Variants in WDR25 observed in about 807,000 individuals in gnomAD.
The protein encoded by WDR25 is WD repeat-containing protein 25.
In WDR25, 35 loss-of-function variants were observed where a neutral mutation model predicts 47.7. The observed-to-expected ratio is 0.73, with a 90% confidence interval of 0.56 to 0.97. WDR25 has a LOEUF of 0.97. WDR25 is among the 50% of genes least tolerant of loss of function. The pLI is 0.00. For missense variants in WDR25, 634 were observed against 704.7 expected (o/e 0.90, Z 1.14); for synonymous variants, 248 against 278.9 (o/e 0.89, Z 1.10).
At chr14:100,418,182 C>T (rs747005021) in intron 2 of WDR25, among the ~76,000 whole-genome samples, 2 of 149,250 alleles carry the variant, frequency 1.3e-5, no homozygotes, top group Admixed American at 6.6e-5. Flanking sequence ...CCTCGTGATC[C>T]ACACCCCCCA....
Position 100,449,028 on chromosome 14 carries a change from A to G in WDR25, c.823-18993A>G, listed in dbSNP as rs1257058138. On this transcript the variant is annotated intron_variant, in intron 2 of 6. Coordinates refer to ENST00000402312, the MANE Select transcript of WDR25 (RefSeq NM_001161476.3). The surrounding 1 kb of genome is among the most constrained non-coding windows in gnomAD (Gnocchi z 4.2). Reference sequence around the variant, plus strand: ...AAAGTGGCGTGCAAGGACGATCGTGATGGGAGATGAGGCTGGGCAGGTGAG... The same window carrying G: ...AAAGTGGCGTGCAAGGACGATCGTGGTGGGAGATGAGGCTGGGCAGGTGAG... 6.6e-6 allele frequency among the ~76,000 whole-genome samples: 1 copy of G among 152,070 alleles called. No individual in the cohort carries two copies. Among genetic ancestry groups the G allele is most frequent in the Non-Finnish European group, 1.5e-5 (1 of 68,004 alleles).
In WDR25 at chr14:100,502,700, A is replaced by G. The variant is rs1428241136; in HGVS notation, c.1101+18576A>G. Among the ~76,000 whole-genome samples, 1 of 152,194 alleles carries G rather than the reference A, an allele frequency of 6.6e-6. No individual in the cohort carries two copies. The highest frequency in any genetic ancestry group is 6.5e-5 in the Admixed American group (1 of 15,282). On this transcript the variant is annotated intron_variant, in intron 4 of 6. Transcript: ENST00000402312. The surrounding 1 kb of genome is among the most constrained non-coding windows in gnomAD (Gnocchi z 4.5). Reference sequence around the variant, plus strand: ...GGGGAGGAGTCAGTCTCCACAGAGTACATCGTGATGGGAACTGCTTGGGGG... The same window carrying G: ...GGGGAGGAGTCAGTCTCCACAGAGTGCATCGTGATGGGAACTGCTTGGGGG...
At chr14:100,409,846 G>A (rs1485469634) in intron 2 of WDR25, among the ~76,000 whole-genome samples, 1 of 152,190 alleles carries the variant, frequency 6.6e-6, no homozygotes, top group Non-Finnish European at 1.5e-5. Context: ...TGCCTCTCGC[G>A]TGTATTGTCT....
At chr14:100,415,353 T>C (rs1897840007) in intron 2 of WDR25, among the ~76,000 whole-genome samples, 2 of 152,266 alleles carry the variant, frequency 1.3e-5, no homozygotes, top group Middle Eastern at 3.4e-3. Flanking sequence ...TAAAGTCATA[T>C]GTGTATGGGA....
At chr14:100,393,105 G>A (rs1325404190) in intron 2 of WDR25, among the ~76,000 whole-genome samples, 1 of 152,224 alleles carries the variant, frequency 6.6e-6, no homozygotes, top group Non-Finnish European at 1.5e-5. Flanking sequence ...TAATTATTTA[G>A]ACTAACACCA....
intron 1 of WDR25, among the ~76,000 whole-genome samples, chr14:100,379,064 A>G (rs979780748): frequency 3.3e-5 from 5 of 150,044 alleles, no homozygotes; most frequent in Non-Finnish European, 2.9e-5. Flanking sequence ...GGAAAGTGGC[A>G]GGCCTTTCCC....
chr14:100,484,400 T>C (rs187662094), intron 4 of WDR25, among the ~76,000 whole-genome samples: 9 of 152,300 alleles, frequency 5.9e-5, no homozygotes, highest in Admixed American at 2.6e-4. Context: ...TGATATAAAA[T>C]GAATCTGCTG....
chr14:100,383,367 G>T (rs894923328), intron 2 of WDR25, among the ~76,000 whole-genome samples: 8 of 152,236 alleles, frequency 5.3e-5, no homozygotes, highest in Admixed American at 4.6e-4. Flanking sequence ...GGGCTTCTCT[G>T]CTCTCCTTCC....
At chr14:100,435,850 T>G (rs924476518) in intron 2 of WDR25, among the ~76,000 whole-genome samples, 3 of 151,864 alleles carry the variant, frequency 2.0e-5, no homozygotes, top group South Asian at 2.1e-4. Context: ...GGCTTGTAAG[T>G]GAGGTTTGGG....
intron 5 of WDR25, among the ~76,000 whole-genome samples, chr14:100,528,287 G>A (rs1017352269): frequency 2.0e-5 from 3 of 152,124 alleles, no homozygotes; most frequent in East Asian, 1.9e-4. Flanking sequence ...GAGTGTCAAG[G>A]GGAGAATCCT....
intron 2 of WDR25, among the ~76,000 whole-genome samples, chr14:100,458,888 C>A (rs1595109117): frequency 1.3e-5 from 2 of 152,232 alleles, no homozygotes; most frequent in South Asian, 4.2e-4. Flanking sequence ...TGCAGTGTTA[C>A]TAGAAGAGTT....
intron 2 of WDR25, among the ~76,000 whole-genome samples, chr14:100,463,686 A>T (rs1202691308): frequency 1.3e-5 from 2 of 152,130 alleles, no homozygotes; most frequent in Middle Eastern, 6.3e-3. Context: ...ATGAGTCTTT[A>T]TACTGTCTGC....
At chr14:100,482,831 C>T (rs946973281) in intron 3 of WDR25, among the ~76,000 whole-genome samples, 1 of 152,244 alleles carries the variant, frequency 6.6e-6, no homozygotes, top group Non-Finnish European at 1.5e-5. Context: ...CCACCAGCTT[C>T]CCGTGTCCCT....
At position 100,499,549 on chromosome 14, in the gene WDR25, T is replaced by C. The variant is rs1456724345; in HGVS notation, c.1101+15425T>C. 6.6e-6 allele frequency among the ~76,000 whole-genome samples: 1 copy of C among 152,222 alleles called. No homozygotes were observed. Among genetic ancestry groups the C allele is most frequent in the Non-Finnish European group, 1.5e-5 (1 of 68,050 alleles). On this transcript the variant is annotated intron_variant, in intron 4 of 6. Coordinates refer to ENST00000402312, the MANE Select transcript of WDR25 (RefSeq NM_001161476.3). The surrounding 1 kb of genome is among the most constrained non-coding windows in gnomAD (Gnocchi z 4.4). ...AGAATGGGTTCATTTGTTAGTTTGC[T>C]TGTTTTCAGTGTAGGTGAGACTTAT...
intron 4 of WDR25, among the ~76,000 whole-genome samples, chr14:100,491,713 G>A (rs769482956): frequency 3.4e-4 from 52 of 152,218 alleles, no homozygotes; most frequent in Non-Finnish European, 6.8e-4. Context: ...TTTTGTTCTT[G>A]GAGAAGCCTG....
At chr14:100,482,801 T>C (rs1900249513) in intron 3 of WDR25, among the ~76,000 whole-genome samples, 1 of 152,222 alleles carries the variant, frequency 6.6e-6, no homozygotes, top group African/African-American at 2.4e-5. Context: ...GAGACCTCGG[T>C]GTCTTCATGG....
chr14:100,520,631 T>C (rs1047835527), intron 4 of WDR25, among the ~76,000 whole-genome samples: 1 of 152,220 alleles, frequency 6.6e-6, no homozygotes, highest in Non-Finnish European at 1.5e-5. Flanking sequence ...CTGTGCTACC[T>C]TTCCACTTTG....
intron 2 of WDR25, among the ~76,000 whole-genome samples, chr14:100,439,786 C>T (rs888803223): frequency 3.9e-5 from 6 of 152,206 alleles, no homozygotes; most frequent in Non-Finnish European, 1.5e-5. Flanking sequence ...TCACACTCTC[C>T]ATATTTTCTC....
rs529260446 is a variant in WDR25 at position 100,384,648 on chromosome 14, C to A, written c.822+2902C>A. On this transcript the variant is annotated intron_variant, in intron 2 of 6. Transcript: ENST00000402312. ...TCTGGAGTGGGGATAGGGCCTCGGG[C>A]ACAGGCAGGAGTCCTGGCTGGCTGC... is the stretch of plus-strand genomic sequence containing the variant. Among the ~76,000 whole-genome samples, 18 of 152,180 alleles carry A rather than the reference C, an allele frequency of 1.2e-4. No homozygotes were observed. In the South Asian group the frequency reaches 2.3e-3, roughly 19 times the overall value.
Sources: allele counts gnomAD v4.1 joint callset (sites outside exome capture counted in the v4.1 genomes callset), GRCh38; gene constraint gnomAD v4.1.1; non-coding constraint Gnocchi (gnomAD v3.1); transcripts MANE v1.5; gene names NCBI Gene and HGNC (gene_info 2026-07-23, HGNC 2026-07-21).